The following ZNF334 variants were observed in gnomAD, a reference collection of about 807,000 sequenced individuals.
ZNF334 encodes zinc finger protein 334.
Under a neutral mutation model 12.4 loss-of-function variants are expected in ZNF334, and 14 were observed. The observed-to-expected ratio is 1.13, with a 90% CI of 0.74 to 1.76. The LOEUF (loss-of-function observed/expected upper bound fraction) is 1.76, where lower values mean the gene tolerates loss of function less well. ZNF334 is among the 40% of genes most tolerant of loss of function. The pLI is 0.00. For missense variants in ZNF334, 797 were observed against 804.5 expected (o/e 0.99, Z 0.11); for synonymous variants, 273 against 269.6 (o/e 1.01, Z -0.12).
the ZNF334 span, among the ~76,000 whole-genome samples, chr20:46,468,130 G>C: frequency 1.4e-4 from 21 of 152,298 alleles, no homozygotes; most frequent in Non-Finnish European, 2.1e-4. Flanking sequence ...GACAGTTTTT[G>C]GTGACCTGGT....
downstream of ZNF334, among the ~76,000 whole-genome samples, chr20:46,496,455 T>C (rs962217044): frequency 3.9e-5 from 6 of 152,140 alleles, no homozygotes; most frequent in African/African-American, 1.2e-4. Context: ...TTTACAAAAG[T>C]GTGGGAAGGG....
chr20:46,501,733 G>C lies in ZNF334; in HGVS notation c.1606C>G (p.Gln536Glu). 6.2e-7 allele frequency: 1 copy of C among 1,614,052 alleles called. No individual in the cohort carries two copies. The highest frequency in any genetic ancestry group is 8.5e-7 in the Non-Finnish European group (1 of 1,180,002). The change falls in exon 5 of 5, where the codon CAG becomes GAG. Residue 536 changes from glutamine to glutamate, a missense_variant. Coordinates refer to ENST00000692313, the MANE Select transcript of ZNF334 (RefSeq NM_001353824.2). ...TATGGTCTCTCCCATATAGTTCTCT[G>C]ATGTACAATGAGGTGTGAGTTTTTG... The part of the protein sequence containing the change: ...VSKNSHLIVH[Q>E]RTIWERPYEC...
chr20:46,499,546 G>C (rs1375945661), downstream of ZNF334: 1 of 151,972 alleles, frequency 6.6e-6, no homozygotes, highest in Non-Finnish European at 1.5e-5. Flanking sequence ...AAACTTCTTG[G>C]ACTTGTGAAT....
the ZNF334 span, among the ~76,000 whole-genome samples, chr20:46,462,674 ATTTC>A: frequency 6.6e-6 from 1 of 152,192 alleles, no homozygotes; most frequent in African/African-American, 2.4e-5. Flanking sequence ...GGCTAACCCC[ATTTC>A]TTTCTTTATA....
Position 46,501,106 on chromosome 20 carries a change from C to T in ZNF334, c.*190G>A. On this transcript the variant is annotated 3_prime_UTR_variant, in exon 5 of 5. Transcript: ENST00000692313. ...TTTTCATAGTTCACAATGAATAATA[C>T]ATTTATTAAACAAATTATTTCTTTC... The T allele has an allele frequency of 1.6e-6, 1 of 633,624 alleles. No individual in the cohort carries two copies. The highest frequency in any genetic ancestry group is 2.7e-5 in the South Asian group (1 of 37,346). 39.3% of individuals were successfully genotyped at this position (633,624 alleles called of 1,614,324 possible).
Position 46,502,997 on chromosome 20 carries a change from A to G in ZNF334, c.342T>C (p.Asn114=). The G allele has an allele frequency of 1.9e-6, 3 of 1,613,998 alleles. No homozygotes were observed. In the East Asian group the frequency reaches 6.7e-5, roughly 36 times the overall value. The change falls in exon 5 of 5, where the codon AAT becomes AAC. Residue 114 remains asparagine (N), a synonymous_variant. Coordinates refer to ENST00000692313, the MANE Select transcript of ZNF334 (RefSeq NM_001353824.2). ...CCAGATTAAGTGTTTTCCCAAATAC[A>G]TTCTCTCTTTCTGTAATCAGTGTTT... ...SNKTLITERE[N]VFGKTLNLGM...
At chr20:46,465,823 C>T in the ZNF334 span, among the ~76,000 whole-genome samples, 2 of 151,752 alleles carry the variant, frequency 1.3e-5, no homozygotes, top group East Asian at 1.9e-4. Flanking sequence ...GGCGTGGTGG[C>T]GAGCGCCTGT....
the ZNF334 span, chr20:46,464,264 G>C: frequency 1.8e-6 from 1 of 551,690 alleles, no homozygotes; most frequent in Admixed American, 2.0e-5. Context: ...ATGAGTTTCT[G>C]CTTCTCTTCT....
At chr20:46,509,534 G>A (rs2145999407) in intron 2 of ZNF334, 3 of 702,846 alleles carry the variant, frequency 4.3e-6, no homozygotes, top group East Asian at 5.4e-5. Flanking sequence ...ATCTCTGGGA[G>A]GACCACCAGG....
At chr20:46,465,425 C>G in the ZNF334 span, among the ~76,000 whole-genome samples, 1 of 152,144 alleles carries the variant, frequency 6.6e-6, no homozygotes, top group East Asian at 1.9e-4. Flanking sequence ...CCAGCCAGCA[C>G]GGTGGCTCAG....
At chr20:46,464,380 G>C in the ZNF334 span, 1 of 504,812 alleles carries the variant, frequency 2.0e-6, no homozygotes, top group Middle Eastern at 6.8e-4. Flanking sequence ...CCTTCCACTT[G>C]TGAATATACT....
At chr20:46,491,185 G>A in the ZNF334 span, 1 of 152,850 alleles carries the variant, frequency 6.5e-6, no homozygotes, top group South Asian at 2.1e-4. Context: ...ACAGTGGACT[G>A]AAGCCATACA....
rs371979289 is a variant in ZNF334, at chr20:46,502,633, G to T, written c.706C>A (p.Pro236Thr). 6.2e-7 allele frequency: 1 copy of T among 1,612,656 alleles called. No individual in the cohort carries two copies. The highest frequency in any genetic ancestry group is 1.3e-5 in the African/African-American group (1 of 74,882). The change falls in exon 5 of 5, where the codon CCA becomes ACA. Residue 236 changes from proline to threonine, a missense_variant. By Grantham distance (38) the Pro-to-Thr change is conservative. Coordinates refer to ENST00000692313, the MANE Select transcript of ZNF334 (RefSeq NM_001353824.2). ...TQKGRQTERK[P>T]NECNECRKTF... ...TTCCTACATTCATTACATTCATTTG[G>T]TTTCCTTTCAGTCTGTCTCCCCTTT...
At chr20:46,464,488 C>T in the ZNF334 span, 2,090 of 511,108 alleles carry the variant, frequency 4.1e-3, 30 homozygotes, top group African/African-American at 0.035. Context: ...TCCCACACAT[C>T]GTATCCTTGC....
the ZNF334 span, among the ~76,000 whole-genome samples, chr20:46,472,502 TAAGA>T: frequency 6.6e-6 from 1 of 152,162 alleles, no homozygotes; most frequent in East Asian, 1.9e-4. Context: ...GTCGATATTT[TAAGA>T]AAGCCAGAAA....
At chr20:46,483,692 CTCTT>C in the ZNF334 span, among the ~76,000 whole-genome samples, 1 of 152,074 alleles carries the variant, frequency 6.6e-6, no homozygotes, top group Non-Finnish European at 1.5e-5. Context: ...TTTCTGGGCT[CTCTT>C]TCTTTGATCT....
chr20:46,480,331 C>G, the ZNF334 span, among the ~76,000 whole-genome samples: 8 of 152,086 alleles, frequency 5.3e-5, no homozygotes, highest in African/African-American at 1.9e-4. Flanking sequence ...CTTTCTGGGA[C>G]AAGCAGCACA....
At chr20:46,511,996 T>G in intron 2 of ZNF334, 86 bp downstream of exon 2, 1 of 1,342,650 alleles carries the variant, frequency 7.4e-7, no homozygotes. Context: ...ATGCTGAATT[T>G]TATACATTTC....
the ZNF334 span, among the ~76,000 whole-genome samples, chr20:46,493,282 G>C: frequency 6.6e-6 from 1 of 152,144 alleles, no homozygotes; most frequent in Non-Finnish European, 1.5e-5. Context: ...AACTTTTATA[G>C]GCTAGATGAT....
Sources: gnomAD v4.1 joint callset for allele counts (sites outside exome capture counted in the v4.1 genomes callset) on GRCh38, gnomAD v4.1.1 for gene constraint, MANE v1.5 for transcripts, NCBI Gene and HGNC (gene_info 2026-07-23, HGNC 2026-07-21) for gene names.